The following DCLK2 variants were observed in gnomAD, a reference collection of about 807,000 sequenced individuals.
DCLK2 encodes doublecortin like kinase 2, also known as serine/threonine-protein kinase DCLK2.
A neutral mutation model predicts 78.4 loss-of-function variants in DCLK2; 31 were observed. The observed-to-expected ratio is 0.40, with a 90% confidence interval of 0.30 to 0.53. DCLK2 has a LOEUF of 0.53. DCLK2 is among the 20% of genes least tolerant of loss of function. DCLK2 has a pLI of 0.61. For synonymous variants in DCLK2, 407 were observed against 374.9 expected, an observed-to-expected ratio of 1.09 and a Z score of -0.99; for missense variants, 872 against 973.7, an observed-to-expected ratio of 0.90 and a Z score of 1.39.
intron 5 of DCLK2, among the ~76,000 whole-genome samples, chr4:150,205,405 C>T (rs1016344573): frequency 6.6e-6 from 1 of 152,178 alleles, no homozygotes; most frequent in African/African-American, 2.4e-5. Flanking sequence ...TTTGTGCCTG[C>T]TTGCTTATCC....
intron 2 of DCLK2, among the ~76,000 whole-genome samples, chr4:150,157,587 A>G (rs960374126): frequency 1.4e-5 from 2 of 146,790 alleles, no homozygotes; most frequent in African/African-American, 5.0e-5. Flanking sequence ...ATCTCGGCTC[A>G]CTGCAGCCTC....
At chr4:150,159,219 G>A (rs1735532019) in intron 2 of DCLK2, among the ~76,000 whole-genome samples, 1 of 152,188 alleles carries the variant, frequency 6.6e-6, no homozygotes, top group African/African-American at 2.4e-5. Flanking sequence ...TAACATGAGA[G>A]TGGCTGGTGT....
intron 12 of DCLK2, among the ~76,000 whole-genome samples, chr4:150,245,592 C>G (rs914155868): frequency 1.3e-5 from 2 of 152,062 alleles, no homozygotes; most frequent in Admixed American, 1.3e-4. Context: ...TGTTCAATTC[C>G]CACCTATGAG....
At chr4:150,240,258 C>A in intron 11 of DCLK2, 141 bp from the exon 12 acceptor site, 1 of 716,300 alleles carries the variant, frequency 1.4e-6, no homozygotes, top group Non-Finnish European at 2.3e-6. Flanking sequence ...AAGTGTGATT[C>A]ATTCATCTCT....
At chr4:150,221,999 TA>T (rs1158814172) in intron 7 of DCLK2, among the ~76,000 whole-genome samples, 1 of 151,928 alleles carries the variant, frequency 6.6e-6, no homozygotes, top group Non-Finnish European at 1.5e-5. Flanking sequence ...TTTATTTATT[TA>T]TTTAAAAAAA....
At chr4:150,233,787 A>G (rs1019125036) in intron 10 of DCLK2, among the ~76,000 whole-genome samples, 1 of 152,136 alleles carries the variant, frequency 6.6e-6, no homozygotes, top group South Asian at 2.1e-4. Flanking sequence ...CCAACCCAAC[A>G]TGGTCTAAGC....
chr4:150,175,192 T>TATA (rs1560835585), intron 2 of DCLK2, among the ~76,000 whole-genome samples: 2 of 79,204 alleles, frequency 2.5e-5, no homozygotes, highest in East Asian at 3.5e-4. Context: ...ATTTATAATT[T>TATA]ATCTATATAT....
chr4:150,086,511 T>A (rs79208851), intron 1 of DCLK2, among the ~76,000 whole-genome samples: 1,382 of 121,248 alleles, frequency 0.011, 41 homozygotes, highest in Admixed American at 0.076. Context: ...TTTTTATTTT[T>A]TTTTTTTTTT....
chr4:150,227,190 CCTCT>C (rs1741686732), intron 8 of DCLK2, among the ~76,000 whole-genome samples: 3 of 152,130 alleles, frequency 2.0e-5, no homozygotes, highest in African/African-American at 7.2e-5. Context: ...TACTGTGTTC[CCTCT>C]CTAAGTTCAA....
chr4:150,159,077 T>C (rs1735522086), intron 2 of DCLK2, among the ~76,000 whole-genome samples: 1 of 152,156 alleles, frequency 6.6e-6, no homozygotes, highest in African/African-American at 2.4e-5. Flanking sequence ...TTTTTTTCTT[T>C]GAGCAATGAG....
At chr4:150,166,210 C>A (rs897813580) in intron 2 of DCLK2, among the ~76,000 whole-genome samples, 3 of 152,114 alleles carry the variant, frequency 2.0e-5, no homozygotes, top group Non-Finnish European at 4.4e-5. Flanking sequence ...TCTAACACGG[C>A]CAGGAATGGT....
At chr4:150,172,421 G>A (rs760855934) in intron 2 of DCLK2, among the ~76,000 whole-genome samples, 26 of 151,754 alleles carry the variant, frequency 1.7e-4, no homozygotes, top group Non-Finnish European at 3.4e-4. Flanking sequence ...GGCTAACATG[G>A]CGAAACCCCA....
intron 2 of DCLK2, among the ~76,000 whole-genome samples, chr4:150,133,783 C>T (rs543020731): frequency 1.3e-5 from 2 of 152,288 alleles, no homozygotes; most frequent in Admixed American, 6.5e-5. Context: ...AAATGTCCAT[C>T]TAATAGTAGG....
At chr4:150,234,758 A>G (rs1742349736) in intron 10 of DCLK2, among the ~76,000 whole-genome samples, 6 of 151,590 alleles carry the variant, frequency 4.0e-5, no homozygotes, top group Admixed American at 3.9e-4. Context: ...GTGTTAAAAA[A>G]AAAAAAAAAG....
intron 15 of DCLK2, among the ~76,000 whole-genome samples, chr4:150,251,810 G>A (rs565179176): frequency 9.0e-5 from 13 of 144,482 alleles, no homozygotes; most frequent in Middle Eastern, 3.4e-3. Flanking sequence ...TGGATTGAGC[G>A]TCCACCAGGT....
chr4:150,187,444 T>C (rs1738038538), intron 2 of DCLK2, among the ~76,000 whole-genome samples: 1 of 152,210 alleles, frequency 6.6e-6, no homozygotes, highest in East Asian at 1.9e-4. Context: ...TTACAGATAT[T>C]CATGTGACTT....
In DCLK2 at chr4:150,107,216, T is replaced by C. The variant is rs567433006; in HGVS notation, c.756+4404T>C. Among the ~76,000 whole-genome samples, 16 of 152,298 alleles carry C rather than the reference T, an allele frequency of 1.1e-4. No homozygotes were observed. In the East Asian group the frequency reaches 3.1e-3, roughly 29 times the overall value. On this transcript the variant is annotated intron_variant, in intron 2 of 15. Coordinates refer to ENST00000296550, the MANE Select transcript of DCLK2 (RefSeq NM_001040260.4). ...AGTGAGCTGATTCAAAAGAAAGTGC[T>C]GCTTGTTTGAATAAATATTAACTGT...
chr4:150,101,591 A>G (rs998081224), intron 1 of DCLK2, among the ~76,000 whole-genome samples: 1 of 152,142 alleles, frequency 6.6e-6, no homozygotes, highest in South Asian at 2.1e-4. Flanking sequence ...TCAAGAGTAT[A>G]AAAACCTTGG....
Position 150,224,553 on chromosome 4 carries a change from G to A in DCLK2, c.1294G>A (p.Gly432Arg). The change falls in exon 8 of 16, where the codon GGA becomes AGA. Residue 432 changes from glycine to arginine, a missense_variant. This residue lies in a region of DCLK2 where 567 missense variants were observed against 593.4 expected (regional missense o/e 0.96). Transcript: ENST00000296550. ...GATTATAGACAAAGCCAAATGTTGT[G>A]GAAAGGTATAGTATGCATAACCCCT... is the stretch of plus-strand genomic sequence containing the variant. ...LKIIDKAKCC[G>R]KEHLIENEVS... is the part of the protein sequence containing the mutation. 1 of 1,612,136 alleles carries A rather than the reference G, an allele frequency of 6.2e-7. No individual in the cohort carries two copies. The highest frequency in any genetic ancestry group is 8.5e-7 in the Non-Finnish European group (1 of 1,179,232).
Sources: allele counts gnomAD v4.1 joint callset (sites outside exome capture counted in the v4.1 genomes callset), GRCh38; gene constraint gnomAD v4.1.1; regional missense constraint gnomAD v4.1.1; transcripts MANE v1.5; gene names NCBI Gene and HGNC (gene_info 2026-07-23, HGNC 2026-07-21).